Variants in CHST12 observed in about 807,000 individuals in gnomAD.
CHST12 encodes the protein carbohydrate sulfotransferase 12, also known as carbohydrate (chondroitin 4) sulfotransferase 12.
Under a neutral mutation model 27.9 loss-of-function variants are expected in CHST12, and 23 were observed. The ratio of observed to expected loss-of-function variants is 0.82; its 90% CI spans 0.59 to 1.17. The LOEUF is 1.17. Among genes scored for constraint, CHST12 ranks in the 50% most tolerant of loss-of-function variants. CHST12 has a pLI of 0.00. For missense variants in CHST12, 682 were observed against 603.0 expected (o/e 1.13, Z -1.37); for synonymous variants, 322 against 273.0 (o/e 1.18, Z -1.77).
chr7:2,413,639 C>T (rs1485926115), intron 1 of CHST12, among the ~76,000 whole-genome samples: 1 of 151,956 alleles, frequency 6.6e-6, no homozygotes, highest in East Asian at 1.9e-4. Context: ...CAGTGTGCGA[C>T]CTGTGGCGTT....
intron 1 of CHST12, among the ~76,000 whole-genome samples, chr7:2,425,463 C>G (rs926743320): frequency 1.3e-5 from 2 of 152,128 alleles, no homozygotes; most frequent in African/African-American, 2.4e-5. Context: ...TGAGATGGCC[C>G]TGCTCAAACA....
rs1472096350 is a variant in CHST12, at chr7:2,435,610, G to T, written c.*1726G>T. The T allele has an allele frequency of 6.6e-6, 1 of 152,216 alleles. No homozygotes were observed. The highest frequency in any genetic ancestry group is 1.5e-5 in the Non-Finnish European group (1 of 68,076). The allele number at this position is 152,216 out of a possible 1,614,324, so 9.4% of individuals were successfully genotyped here. On this transcript the variant is annotated 3_prime_UTR_variant, in exon 2 of 2. Transcript: ENST00000618655. Reference sequence around the variant, plus strand: ...GCTTGACCTGTCTTCCTCGTGTGTGGTATTTGTCACCACTGCCCAGTCCCT... The same window carrying T: ...GCTTGACCTGTCTTCCTCGTGTGTGTTATTTGTCACCACTGCCCAGTCCCT...
At position 2,444,302 on chromosome 7, in the gene CHST12, A is replaced by AC. The variant is rs1782692758; in HGVS notation, c.*10418_*10419insC. On this transcript the variant is annotated 3_prime_UTR_variant, in exon 2 of 2. Transcript: ENST00000618655. Reference sequence around the variant, plus strand: ...CCGTCTCAAAAAAAAAAAAAAAAAAAAAAAAATACAAAAATTAGCTGGGTG... The same window carrying AC: ...CCGTCTCAAAAAAAAAAAAAAAAAAACAAAAAATACAAAAATTAGCTGGGTG... The AC allele has an allele frequency of 1.3e-5, 2 of 150,776 alleles. No homozygotes were observed. The highest frequency in any genetic ancestry group is 3.0e-5 in the Non-Finnish European group (2 of 67,734). The allele number at this position is 150,776 out of a possible 1,614,324, so 9.3% of individuals were successfully genotyped here.
chr7:2,420,439 G>A (rs1302721233), intron 1 of CHST12, among the ~76,000 whole-genome samples: 1 of 152,062 alleles, frequency 6.6e-6, no homozygotes, highest in East Asian at 1.9e-4. Context: ...CGAACACTTG[G>A]GTTCCTTCCA....
chr7:2,423,789 A>G (rs984803050), intron 1 of CHST12, among the ~76,000 whole-genome samples: 3 of 152,214 alleles, frequency 2.0e-5, no homozygotes, highest in Admixed American at 6.5e-5. Context: ...TGCCATTGAA[A>G]AAATGAATTA....
intron 1 of CHST12, among the ~76,000 whole-genome samples, chr7:2,430,796 C>T (rs1782252889): frequency 6.6e-6 from 1 of 152,190 alleles, no homozygotes; most frequent in Non-Finnish European, 1.5e-5. Context: ...CCATGTTGGC[C>T]AGGCTGGTCT....
At chr7:2,417,957 G>T (rs1277585846) in intron 1 of CHST12, among the ~76,000 whole-genome samples, 1 of 152,248 alleles carries the variant, frequency 6.6e-6, no homozygotes, top group Non-Finnish European at 1.5e-5. Flanking sequence ...ATGCGCTTCT[G>T]GGGGGCTTAA....
chr7:2,414,364 A>G (rs1232274092), intron 1 of CHST12, among the ~76,000 whole-genome samples: 1 of 151,496 alleles, frequency 6.6e-6, no homozygotes, highest in Non-Finnish European at 1.5e-5. Flanking sequence ...GCTCACTGCA[A>G]CCTCCACCTC....
rs1465555612 is a variant in CHST12 at position 2,442,409 on chromosome 7, G to C, written c.*8525G>C. On this transcript the variant is annotated 3_prime_UTR_variant, in exon 2 of 2. Coordinates refer to ENST00000618655, the MANE Select transcript of CHST12 (RefSeq NM_018641.5). ...GACGGAGTCTCGCTCTGTCTCCCAG[G>C]CTGGAGTGCGGTGGCACCATCTCAG... The C allele has an allele frequency of 6.6e-6, 1 of 152,330 alleles. No homozygotes were observed. The highest frequency in any genetic ancestry group is 1.5e-5 in the Non-Finnish European group (1 of 68,154). The allele number at this position is 152,330 out of a possible 1,614,324, so 9.4% of individuals were successfully genotyped here. A position where few individuals can be genotyped will look rare whatever the true frequency, so the allele number is the denominator to read the frequency against.
rs1782019727 is a variant in CHST12 at position 2,423,087 on chromosome 7, C to G, written c.-77-9476C>G. 4.0e-5 allele frequency among the ~76,000 whole-genome samples: 6 copies of G among 151,424 alleles called. No individual in the cohort carries two copies. The South Asian group carries it at 1.3e-3, about 32-fold the overall frequency. On this transcript the variant is annotated intron_variant, in intron 1 of 1. Transcript: ENST00000618655. Reference sequence around the variant, plus strand: ...GGCCAGGAGTTAGAGACCAGCCTGGCCAACATGGAGAAAGCCCCTCTCTAC... The same window carrying G: ...GGCCAGGAGTTAGAGACCAGCCTGGGCAACATGGAGAAAGCCCCTCTCTAC...
chr7:2,413,753 G>C (rs1583210696), intron 1 of CHST12, among the ~76,000 whole-genome samples: 1 of 123,962 alleles, frequency 8.1e-6, no homozygotes, highest in African/African-American at 3.1e-5. Flanking sequence ...TTTTGAGACA[G>C]AGTCTCCCTC....
In CHST12 at chr7:2,433,923, G is replaced by A. The variant is rs1309752665; in HGVS notation, c.*39G>A. On this transcript the variant is annotated 3_prime_UTR_variant, in exon 2 of 2. Coordinates refer to ENST00000618655, the MANE Select transcript of CHST12 (RefSeq NM_018641.5). This position sits in a 1 kb window ranked among gnomAD's most constrained non-coding sequence, Gnocchi z 6.1. ...GCTTTTTCTCGCGTGCCTGGAACCT[G>A]ACGCACGCGCACTCCAGTTTTTTTA... 6.6e-7 allele frequency: 1 copy of A among 1,522,980 alleles called. No homozygotes were observed. The highest frequency in any genetic ancestry group is 8.8e-7 in the Non-Finnish European group (1 of 1,133,144). 94.3% of individuals were successfully genotyped at this position (1,522,980 alleles called of 1,614,324 possible).
intron 1 of CHST12, among the ~76,000 whole-genome samples, chr7:2,429,126 C>T (rs940136104): frequency 4.6e-5 from 7 of 152,220 alleles, no homozygotes; most frequent in African/African-American, 7.2e-5. Context: ...AAGCATATCA[C>T]GTGCTGTTGG....
chr7:2,410,057 C>G (rs1781625007), intron 1 of CHST12, among the ~76,000 whole-genome samples: 1 of 152,114 alleles, frequency 6.6e-6, no homozygotes, highest in African/African-American at 2.4e-5. Context: ...ATTATGATTA[C>G]AGGCCTGAGC....
rs1356113547 is a variant in CHST12 at position 2,433,840 on chromosome 7, GT to G, written c.1203del (p.Leu402SerfsTer27). ...GTATAAACTCTACGAGGCCGACTTT[GT>G]TCTCTTCGGCTACCCCAAGCCCGAA... The part of the protein sequence containing the change: ...QLYKLYEADF[V>X]LFGYPKPENL... On this transcript the variant is annotated frameshift_variant, in exon 2 of 2. Coordinates refer to ENST00000618655, the MANE Select transcript of CHST12 (RefSeq NM_018641.5). LOFTEE classifies it high-confidence loss of function. The surrounding 1 kb of genome is among the most constrained non-coding windows in gnomAD (Gnocchi z 6.1). 4 of 1,600,752 alleles carry G rather than the reference GT, an allele frequency of 2.5e-6. No individual in the cohort carries two copies. The highest frequency in any genetic ancestry group is 3.4e-6 in the Non-Finnish European group (4 of 1,170,358).
intron 1 of CHST12, among the ~76,000 whole-genome samples, chr7:2,406,386 A>G (rs1171358057): frequency 8.5e-6 from 1 of 116,976 alleles, no homozygotes; most frequent in African/African-American, 3.3e-5. Flanking sequence ...ACAGTTGAGT[A>G]TGGGGTGGGG....
chr7:2,403,733 T>A (rs1461187156), intron 1 of CHST12, 60 bp downstream of exon 1: 7 of 151,514 alleles, frequency 4.6e-5, no homozygotes, highest in Non-Finnish European at 8.8e-5. Flanking sequence ...CGGCCAGTGC[T>A]GGGCTCCCAG....
chr7:2,433,476 C>T lies in CHST12; in HGVS notation c.837C>T (p.Ala279=). The stretch of plus-strand genomic sequence containing the variant: ...CCGTGCCCATGCTGCGGCTGTACGC[C>T]AACCACACCAGCCTGCCCGCCTCGG... ...KFAVPMLRLY[A]NHTSLPASAR... is the part of the protein sequence containing the mutation. Residue 279 remains alanine, a synonymous_variant, in exon 2 of 2, where the codon GCC becomes GCT. Transcript: ENST00000618655. This position sits in a 1 kb window ranked among gnomAD's most constrained non-coding sequence, Gnocchi z 6.1. 6.2e-7 allele frequency: 1 copy of T among 1,611,348 alleles called. No individual in the cohort carries two copies. The highest frequency in any genetic ancestry group is 1.6e-4 in the Middle Eastern group (1 of 6,062).
chr7:2,404,723 A>C (rs1021794611), intron 1 of CHST12, among the ~76,000 whole-genome samples: 2 of 152,244 alleles, frequency 1.3e-5, no homozygotes, highest in Non-Finnish European at 2.9e-5. Context: ...AACGCTTGAG[A>C]TCTGAAAGAG....
Sources: gnomAD v4.1 joint callset for allele counts (sites outside exome capture counted in the v4.1 genomes callset) on GRCh38, gnomAD v4.1.1 for gene constraint, Gnocchi (gnomAD v3.1) non-coding constraint, MANE v1.5 for transcripts, NCBI Gene and HGNC (gene_info 2026-07-23, HGNC 2026-07-21) for gene names.